The following DBNL variants were observed in gnomAD, a reference collection of about 807,000 sequenced individuals.
DBNL encodes the protein drebrin-like protein.
DBNL carries 35 observed loss-of-function variants against 62.2 expected under a neutral mutation model. The ratio of observed to expected loss-of-function variants is 0.56; its 90% CI spans 0.43 to 0.75. The LOEUF is 0.75. Ranked by LOEUF, DBNL falls within the 30% of genes least tolerant of loss-of-function variation. The pLI, the probability that DBNL is intolerant of heterozygous loss-of-function variation, is 0.00. For synonymous variants in DBNL, 197 were observed against 218.0 expected, an observed-to-expected ratio of 0.90 and a Z score of 0.85; for missense variants, 495 against 578.4, an observed-to-expected ratio of 0.86 and a Z score of 1.48.
At chr7:44,052,287 G>T (rs1791087916) in intron 3 of DBNL, among the ~76,000 whole-genome samples, 1 of 151,978 alleles carries the variant, frequency 6.6e-6, no homozygotes, top group Non-Finnish European at 1.5e-5. Flanking sequence ...CAGGGACAGG[G>T]CCTCCTTGAT....
chr7:44,060,190 G>A lies in DBNL; in HGVS notation c.1153+37G>A, dbSNP rs768657552. The A allele has an allele frequency of 3.2e-6, 5 of 1,566,252 alleles. No homozygotes were observed. The highest frequency in any genetic ancestry group is 3.5e-6 in the Non-Finnish European group (4 of 1,141,470). ...TGGCCTGGCTGGCACAGACCACAGG[G>A]TCCTGAGGTTAGGAGACAAGAGGGT... On this transcript the variant is annotated intron_variant, in intron 12 of 12. Coordinates refer to ENST00000448521, the MANE Select transcript of DBNL (RefSeq NM_001014436.3). This position sits in a 1 kb window ranked among gnomAD's most constrained non-coding sequence, Gnocchi z 6.3.
rs985516399 is a variant in DBNL at position 44,064,689 on chromosome 7, T to A, written c.*3773T>A. On this transcript the variant is annotated 3_prime_UTR_variant, in exon 13 of 13. Transcript: ENST00000448521. ...AAATTTCACAAAACTAAAAAATGGCTTCTCAGCCCTCCTTTTTCAGTGAAT... is the reference window on the plus strand; with the variant it reads ...AAATTTCACAAAACTAAAAAATGGCATCTCAGCCCTCCTTTTTCAGTGAAT... 23 of 764,060 alleles carry A rather than the reference T, an allele frequency of 3.0e-5. No individual in the cohort carries two copies. The Admixed American group carries it at 5.3e-4, about 18-fold the overall frequency. 47.3% of individuals were successfully genotyped at this position (764,060 alleles called of 1,614,324 possible). A position where few individuals can be genotyped will look rare whatever the true frequency, so the allele number is the denominator to read the frequency against.
At position 44,062,615 on chromosome 7, in the gene DBNL, G is replaced by T; in HGVS notation, c.*1699G>T. On this transcript the variant is annotated 3_prime_UTR_variant, in exon 13 of 13. Transcript: ENST00000448521. Reference sequence around the variant, plus strand: ...GTGTGGGTACTAGGCTCCTGCCCCTGGTGACACACGTATGGAGTGGGGGAG... The same window carrying T: ...GTGTGGGTACTAGGCTCCTGCCCCTTGTGACACACGTATGGAGTGGGGGAG... 1.3e-6 allele frequency: 1 copy of T among 764,314 alleles called. No homozygotes were observed. The highest frequency in any genetic ancestry group is 2.2e-6 in the Non-Finnish European group (1 of 457,084). The allele number at this position is 764,314 out of a possible 1,614,324, so 47.3% of individuals were successfully genotyped here.
Position 44,065,128 on chromosome 7 carries a change from GT to G in DBNL, c.*4214del, listed in dbSNP as rs1271092569. Reference sequence around the variant, plus strand: ...AAAGGCAGCCCACCTTGCTAATGGAGTTGTAGTAGGGGTGCTTCTCGTCCAT... The same window carrying G: ...AAAGGCAGCCCACCTTGCTAATGGAGTGTAGTAGGGGTGCTTCTCGTCCAT... On this transcript the variant is annotated 3_prime_UTR_variant, in exon 13 of 13. Coordinates refer to ENST00000448521, the MANE Select transcript of DBNL (RefSeq NM_001014436.3). 6.2e-7 allele frequency: 1 copy of G among 1,614,008 alleles called. No homozygotes were observed. The highest frequency in any genetic ancestry group is 1.1e-5 in the South Asian group (1 of 91,088).
At position 44,064,907 on chromosome 7, in the gene DBNL, G is replaced by GGGGAACAATCTCCTCGTTCCAGAAGGGCA. The variant is rs758337311; in HGVS notation, c.*3995_*4023dup. On this transcript the variant is annotated 3_prime_UTR_variant, in exon 13 of 13. Coordinates refer to ENST00000448521, the MANE Select transcript of DBNL (RefSeq NM_001014436.3). ...AGCACTCGCTTGCCGGCCTTGATCT[G>GGGGAACAATCTCCTCGTTCCAGAAGGGCA]GGGAACAATCTCCTCGTTCCAGAAG... The GGGGAACAATCTCCTCGTTCCAGAAGGGCA allele has an allele frequency of 6.2e-7, 1 of 1,611,252 alleles. No individual in the cohort carries two copies. Among genetic ancestry groups the GGGGAACAATCTCCTCGTTCCAGAAGGGCA allele is most frequent in the Admixed American group, 1.7e-5 (1 of 59,876 alleles).
chr7:44,064,622 T>C lies in DBNL; in HGVS notation c.*3706T>C. The C allele has an allele frequency of 1.7e-6, 1 of 596,008 alleles. No individual in the cohort carries two copies. The highest frequency in any genetic ancestry group is 3.0e-6 in the Non-Finnish European group (1 of 333,066). 36.9% of individuals were successfully genotyped at this position (596,008 alleles called of 1,614,324 possible). A position where few individuals can be genotyped will look rare whatever the true frequency, so the allele number is the denominator to read the frequency against. On this transcript the variant is annotated 3_prime_UTR_variant, in exon 13 of 13. Transcript: ENST00000448521. ...GGGACACAGCGAGCTTCGAGTGCAG[T>C]CAGCCCCTGTGGAGTGTGTCCCAGT...
chr7:44,056,867 T>C lies in DBNL; in HGVS notation c.438T>C (p.Ser146=). 6.2e-7 allele frequency: 1 copy of C among 1,613,796 alleles called. No individual in the cohort carries two copies. Among genetic ancestry groups the C allele is most frequent in the Non-Finnish European group, 8.5e-7 (1 of 1,179,966 alleles). ...SGANYSFHKE[S]GRFQDVGPQA... ...CCAACTACAGCTTTCACAAGGAGAG[T>C]GGCCGCTTCCAGGACGTGGGACCCC... Residue 146 remains serine, a synonymous_variant, in exon 5 of 13, where the codon AGT becomes AGC. Transcript: ENST00000448521.
At chr7:44,055,163 T>C (rs1441235806) in intron 4 of DBNL, among the ~76,000 whole-genome samples, 2 of 152,216 alleles carry the variant, frequency 1.3e-5, no homozygotes, top group Admixed American at 1.3e-4. Flanking sequence ...ACTAAAATAC[T>C]GTTTTAAAAA....
At position 44,066,393 on chromosome 7, in the gene DBNL, G is replaced by A. The variant is rs2096160203; in HGVS notation, c.*5477G>A. On this transcript the variant is annotated 3_prime_UTR_variant, in exon 13 of 13. Transcript: ENST00000448521. The stretch of plus-strand genomic sequence containing the variant: ...AAGGGTGGCACGGAGTTGAGTCTAG[G>A]ACCAAGACTTCTGCATTCAGGTTTG... 2.0e-5 allele frequency: 3 copies of A among 152,392 alleles called. No homozygotes were observed. Among genetic ancestry groups the A allele is most frequent in the Non-Finnish European group, 4.4e-5 (3 of 68,162 alleles). 9.4% of individuals were successfully genotyped at this position (152,392 alleles called of 1,614,324 possible). A position where few individuals can be genotyped will look rare whatever the true frequency, so the allele number is the denominator to read the frequency against.
chr7:44,059,691 G>C lies in DBNL; in HGVS notation c.1047+33G>C, dbSNP rs2096144602. 2 of 1,558,518 alleles carry C rather than the reference G, an allele frequency of 1.3e-6. No individual in the cohort carries two copies. Among genetic ancestry groups the C allele is most frequent in the African/African-American group, 2.7e-5 (2 of 74,076 alleles). On this transcript the variant is annotated intron_variant, in intron 11 of 12. Coordinates refer to ENST00000448521, the MANE Select transcript of DBNL (RefSeq NM_001014436.3). This position sits in a 1 kb window ranked among gnomAD's most constrained non-coding sequence, Gnocchi z 4.1. ...CCTACACTGGGGCTGGGGCCAGGAA[G>C]GGGCTGCATACTCAGGAACACTTAT... is the stretch of plus-strand genomic sequence containing the variant.
At chr7:44,054,573 A>G (rs1246866742) in intron 4 of DBNL, among the ~76,000 whole-genome samples, 3 of 152,252 alleles carry the variant, frequency 2.0e-5, no homozygotes, top group African/African-American at 2.4e-5. Context: ...TATACAATGT[A>G]TACGATGAAT....
chr7:44,064,279 C>A lies in DBNL; in HGVS notation c.*3363C>A, dbSNP rs2096154825. On this transcript the variant is annotated 3_prime_UTR_variant, in exon 13 of 13. Coordinates refer to ENST00000448521, the MANE Select transcript of DBNL (RefSeq NM_001014436.3). Reference sequence around the variant, plus strand: ...CCCAGAGTCTGGCCACTCCATAGTCCTGCACCCCTCTTTTGATTGGTCTTT... The same window carrying A: ...CCCAGAGTCTGGCCACTCCATAGTCATGCACCCCTCTTTTGATTGGTCTTT... 5.5e-6 allele frequency: 1 copy of A among 183,330 alleles called. No homozygotes were observed. Among genetic ancestry groups the A allele is most frequent in the Non-Finnish European group, 1.2e-5 (1 of 86,356 alleles). The allele number at this position is 183,330 out of a possible 1,614,324, so 11.4% of individuals were successfully genotyped here.
chr7:44,046,010 C>T (rs547937993), intron 1 of DBNL, among the ~76,000 whole-genome samples: 35 of 152,330 alleles, frequency 2.3e-4, no homozygotes, highest in African/African-American at 8.4e-4. Flanking sequence ...TTTATAATCC[C>T]TCAGATTTAC....
In DBNL at chr7:44,061,022, C is replaced by T. The variant is rs920904223; in HGVS notation, c.*106C>T. 1 of 1,450,834 alleles carries T rather than the reference C, an allele frequency of 6.9e-7. No homozygotes were observed. Among genetic ancestry groups the T allele is most frequent in the Non-Finnish European group, 9.2e-7 (1 of 1,091,188 alleles). The allele number at this position is 1,450,834 out of a possible 1,614,324, so 89.9% of individuals were successfully genotyped here. A position where few individuals can be genotyped will look rare whatever the true frequency, so the allele number is the denominator to read the frequency against. On this transcript the variant is annotated 3_prime_UTR_variant, in exon 13 of 13. Transcript: ENST00000448521. ...AGCACTCTTCCAGGAATAGGACCCC[C>T]AGTGAGGATGAGGCCTCAGGGCTCC...
At chr7:44,055,078 G>T (rs751005335) in intron 4 of DBNL, among the ~76,000 whole-genome samples, 10 of 152,178 alleles carry the variant, frequency 6.6e-5, no homozygotes, top group Non-Finnish European at 1.3e-4. Flanking sequence ...ATTGTTAATA[G>T]CGCTGAACTT....
At chr7:44,045,117 G>T (rs1210603654) in intron 1 of DBNL, among the ~76,000 whole-genome samples, 1 of 152,244 alleles carries the variant, frequency 6.6e-6, no homozygotes, top group African/African-American at 2.4e-5. Context: ...TTCCATGTTG[G>T]ATCCTCGGCC....
chr7:44,049,433 A>G (rs971485748), intron 1 of DBNL, among the ~76,000 whole-genome samples: 1 of 152,210 alleles, frequency 6.6e-6, no homozygotes, highest in Non-Finnish European at 1.5e-5. Context: ...GAGTGCTGGG[A>G]TTACAGGCGT....
At chr7:44,046,559 T>G (rs2128788460) in intron 1 of DBNL, among the ~76,000 whole-genome samples, 1 of 152,222 alleles carries the variant, frequency 6.6e-6, no homozygotes, top group South Asian at 2.1e-4. Context: ...TTTCCCCTCA[T>G]GAAGTCAGAA....
At chr7:44,053,639 G>C (rs1012125928) in intron 4 of DBNL, among the ~76,000 whole-genome samples, 1 of 150,926 alleles carries the variant, frequency 6.6e-6, no homozygotes, top group African/African-American at 2.4e-5. Context: ...AATGTTTTCA[G>C]TTCAGCATCC....
Sources: allele counts gnomAD v4.1 joint callset (sites outside exome capture counted in the v4.1 genomes callset), GRCh38; gene constraint gnomAD v4.1.1; non-coding constraint Gnocchi (gnomAD v3.1); transcripts MANE v1.5; gene names NCBI Gene and HGNC (gene_info 2026-07-23, HGNC 2026-07-21).